Variants in LDLRAD4 observed in about 807,000 individuals in gnomAD.
The protein encoded by LDLRAD4 is low-density lipoprotein receptor class A domain-containing protein 4.
A neutral mutation model predicts 17.0 loss-of-function variants in LDLRAD4; 5 were observed. The observed-to-expected ratio is 0.29, with a 90% CI of 0.15 to 0.62. The LOEUF is 0.62. Among genes scored for constraint, LDLRAD4 ranks in the 20% least tolerant of loss-of-function variants. The pLI is 0.84. For missense variants in LDLRAD4, 340 were observed against 424.7 expected (o/e 0.80, Z 1.75); for synonymous variants, 168 against 171.8 (o/e 0.98, Z 0.17).
chr18:13,621,977 A>T lies in LDLRAD4; in HGVS notation c.336+706A>T, dbSNP rs759357515. ...GCCTGTTTTACAGGCTGTGGTTTTG[A>T]TGGCTTCCAGCCAGAGGGTTAGGAG... On this transcript the variant is annotated intron_variant, in intron 4 of 5. Coordinates refer to ENST00000359446, the Ensembl canonical transcript of LDLRAD4. The surrounding 1 kb of genome is among the most constrained non-coding windows in gnomAD (Gnocchi z 5.5). Among the ~76,000 whole-genome samples the T allele has an allele frequency of 2.5e-4, 38 of 152,212 alleles. No individual in the cohort carries two copies. In the Middle Eastern group the frequency reaches 0.017, roughly 68 times the overall value.
chr18:13,287,255 A>T (rs772335846), intron 1 of LDLRAD4, among the ~76,000 whole-genome samples: 4 of 152,230 alleles, frequency 2.6e-5, no homozygotes, highest in Non-Finnish European at 4.4e-5. Flanking sequence ...GTACAGAAAG[A>T]TACACTCAGA....
chr18:13,224,647 T>A (rs2041667479), intron 1 of LDLRAD4, among the ~76,000 whole-genome samples: 1 of 151,754 alleles, frequency 6.6e-6, no homozygotes, highest in Admixed American at 6.6e-5. Context: ...GCCCGGCTAA[T>A]TTTTTCATAT....
At chr18:13,480,702 A>G (rs909192934) in intron 3 of LDLRAD4, among the ~76,000 whole-genome samples, 2 of 152,168 alleles carry the variant, frequency 1.3e-5, no homozygotes, top group African/African-American at 2.4e-5. Context: ...TTCCTCTCCA[A>G]TTTTGCTGTG....
At chr18:13,396,497 T>G (rs1184403019) in intron 2 of LDLRAD4, among the ~76,000 whole-genome samples, 2 of 152,238 alleles carry the variant, frequency 1.3e-5, no homozygotes, top group African/African-American at 4.8e-5. Context: ...TTGTTTTTTA[T>G]TTTTTAGACA....
chr18:13,477,368 C>T (rs1428621734), intron 3 of LDLRAD4, among the ~76,000 whole-genome samples: 1 of 152,136 alleles, frequency 6.6e-6, no homozygotes, highest in African/African-American at 2.4e-5. Flanking sequence ...GCAGCAGGTC[C>T]TCTGTGGCCA....
intron 1 of LDLRAD4, among the ~76,000 whole-genome samples, chr18:13,386,689 T>C (rs1278160736): frequency 6.6e-6 from 1 of 152,232 alleles, no homozygotes; most frequent in Non-Finnish European, 1.5e-5. Context: ...GAGCAGTTTA[T>C]AGATTAAATT....
rs1360953020 is a variant in LDLRAD4, at chr18:13,300,004, C to T, written c.-383+21816C>T. ...CCCACCTGTGTTCCCCTGGTGCCTG[C>T]ACACATCAGCCTCTCATGGCTCAGT... On this transcript the variant is annotated intron_variant, in intron 1 of 5. Coordinates refer to ENST00000359446, the Ensembl canonical transcript of LDLRAD4. The surrounding 1 kb of genome is among the most constrained non-coding windows in gnomAD (Gnocchi z 4.2). Among the ~76,000 whole-genome samples the T allele has an allele frequency of 6.6e-6, 1 of 152,222 alleles. No homozygotes were observed. Among genetic ancestry groups the T allele is most frequent in the African/African-American group, 2.4e-5 (1 of 41,452 alleles).
intron 1 of LDLRAD4, among the ~76,000 whole-genome samples, chr18:13,336,176 A>G (rs1238473796): frequency 1.3e-5 from 2 of 152,242 alleles, no homozygotes; most frequent in Non-Finnish European, 2.9e-5. Context: ...TAGGGAGGGC[A>G]TTAATCTATT....
chr18:13,407,668 C>T (rs1195789436), intron 2 of LDLRAD4, among the ~76,000 whole-genome samples: 1 of 152,224 alleles, frequency 6.6e-6, no homozygotes, highest in African/African-American at 2.4e-5. Flanking sequence ...AGAATCTTTG[C>T]CTGGCCAAAT....
Position 13,560,970 on chromosome 18 carries a change from C to A in LDLRAD4, c.182-60147C>A, listed in dbSNP as rs984166811. Among the ~76,000 whole-genome samples, 30 of 152,190 alleles carry A rather than the reference C, an allele frequency of 2.0e-4. 1 individual carries two copies. Among genetic ancestry groups the A allele is most frequent in the Admixed American group, 6.5e-5 (1 of 15,284 alleles). ...TGTGAAATAAAGGAAAACCAGGAGCCTCGTTCTGATTTTTATGGAGACACA... is the reference window on the plus strand; with the variant it reads ...TGTGAAATAAAGGAAAACCAGGAGCATCGTTCTGATTTTTATGGAGACACA... On this transcript the variant is annotated intron_variant, in intron 3 of 5. Coordinates refer to ENST00000359446, the Ensembl canonical transcript of LDLRAD4.
chr18:13,530,076 C>A (rs1039249944), intron 3 of LDLRAD4, among the ~76,000 whole-genome samples: 2 of 152,132 alleles, frequency 1.3e-5, no homozygotes, highest in Non-Finnish European at 2.9e-5. Flanking sequence ...AAAAACACTG[C>A]CCGATCATAA....
At chr18:13,591,255 A>G (rs2095023743) in intron 3 of LDLRAD4, among the ~76,000 whole-genome samples, 1 of 152,214 alleles carries the variant, frequency 6.6e-6, no homozygotes, top group Non-Finnish European at 1.5e-5. Flanking sequence ...GAAGACTGTT[A>G]TTGTAGAAAC....
intron 3 of LDLRAD4, chr18:13,614,404 C>T (rs1360317955): frequency 1.3e-5 from 2 of 152,248 alleles, no homozygotes; most frequent in South Asian, 2.1e-4. Flanking sequence ...GCAGGTGACG[C>T]CAAAAACTGG....
chr18:13,400,089 T>C (rs764389070), intron 2 of LDLRAD4, among the ~76,000 whole-genome samples: 1 of 152,222 alleles, frequency 6.6e-6, no homozygotes, highest in South Asian at 2.1e-4. Flanking sequence ...TTAGCGGTTA[T>C]TGACTTTCAT....
At position 13,449,220 on chromosome 18, in the gene LDLRAD4, C is replaced by T. The variant is rs368147297; in HGVS notation, c.181+10836C>T. 9.2e-5 allele frequency among the ~76,000 whole-genome samples: 14 copies of T among 152,344 alleles called. No individual in the cohort carries two copies. The South Asian group carries it at 1.7e-3, about 18-fold the overall frequency. On this transcript the variant is annotated intron_variant, in intron 3 of 5. Coordinates refer to ENST00000359446, the Ensembl canonical transcript of LDLRAD4. The stretch of plus-strand genomic sequence containing the variant: ...TCCAGACAGCTCCTAGAAAAATTGC[C>T]GTGGTCCTCCGGAAGGTCCAGCTGT...
intron 2 of LDLRAD4, among the ~76,000 whole-genome samples, chr18:13,404,623 C>A (rs988522302): frequency 6.6e-6 from 1 of 152,014 alleles, no homozygotes; most frequent in Non-Finnish European, 1.5e-5. Flanking sequence ...TGGTGAAACC[C>A]CGTCTCTACT....
intron 1 of LDLRAD4, among the ~76,000 whole-genome samples, chr18:13,352,828 T>A (rs191775628): frequency 6.6e-6 from 1 of 152,286 alleles, no homozygotes; most frequent in South Asian, 2.1e-4. Context: ...GTCTTTAGAT[T>A]TTCTTATTCT....
chr18:13,643,259 C>A (rs993028658), intron 4 of LDLRAD4, 100 bp from the exon 6 acceptor site: 5 of 751,012 alleles, frequency 6.7e-6, no homozygotes, highest in Non-Finnish European at 1.1e-5. Flanking sequence ...TGCAGATCCC[C>A]GTTTCCAGAA....
chr18:13,586,609 C>T, intron 3 of LDLRAD4, among the ~76,000 whole-genome samples: 1 of 151,680 alleles, frequency 6.6e-6, no homozygotes, highest in East Asian at 1.9e-4. Flanking sequence ...AATCTCAAAA[C>T]AATCTGGATA....
Sources: allele counts gnomAD v4.1 joint callset (sites outside exome capture counted in the v4.1 genomes callset), GRCh38; gene constraint gnomAD v4.1.1; non-coding constraint Gnocchi (gnomAD v3.1); transcripts MANE v1.5; gene names NCBI Gene and HGNC (gene_info 2026-07-23, HGNC 2026-07-21).